Variants in OC90 observed in about 807,000 individuals in gnomAD.
The protein encoded by OC90 is otoconin 90.
OC90 carries 46 observed loss-of-function variants against 47.3 expected under a neutral mutation model. The ratio of observed to expected loss-of-function variants is 0.97; its 90% CI spans 0.77 to 1.24. The LOEUF is 1.24. OC90 is among the 50% of genes most tolerant of loss of function. The pLI is 0.00. For synonymous variants in OC90, 271 were observed against 219.5 expected (o/e 1.23, Z -2.07); for missense variants, 688 against 583.9 (o/e 1.18, Z -1.84).
intron 13 of OC90, among the ~76,000 whole-genome samples, chr8:132,028,284 A>G (rs1286189919): frequency 6.6e-6 from 1 of 152,046 alleles, no homozygotes; most frequent in African/African-American, 2.4e-5. Flanking sequence ...TGGGCAGATC[A>G]CAAGGTCAGG....
In OC90 at chr8:132,029,123, A is replaced by G. The variant is rs1002116995; in HGVS notation, c.1088T>C (p.Leu363Pro). ...CACCGGTGACCAAGGAAGCCTCTCAAGCAGGCAGCCCAGCCTTCTCACTTG... is the reference window on the plus strand; with the variant it reads ...CACCGGTGACCAAGGAAGCCTCTCAGGCAGGCAGCCCAGCCTTCTCACTTG... Reference protein sequence around the residue: ...LEQVRRLGCLLERLPWSPVVC... With the variant: ...LEQVRRLGCLPERLPWSPVVC... The change falls in exon 13 of 14, where the codon CTT (leucine) becomes CCT (proline). Residue 363 changes from leucine to proline, a missense_variant. Physicochemically the swap from Leu to Pro is moderately conservative, Grantham distance 98. Transcript: ENST00000254627. 1 of 1,613,964 alleles carries G rather than the reference A, an allele frequency of 6.2e-7. No individual in the cohort carries two copies. The highest frequency in any genetic ancestry group is 8.5e-7 in the Non-Finnish European group (1 of 1,179,878).
At position 132,038,849 on chromosome 8, in the gene OC90, T is replaced by C. The variant is rs763960207; in HGVS notation, c.587-18A>G. 6.2e-7 allele frequency: 1 copy of C among 1,613,694 alleles called. No homozygotes were observed. Among genetic ancestry groups the C allele is most frequent in the African/African-American group, 1.3e-5 (1 of 75,044 alleles). On this transcript the variant is annotated intron_variant, in intron 7 of 13. Coordinates refer to ENST00000254627, the MANE Select transcript of OC90 (RefSeq NM_001080399.3). Reference sequence around the variant, plus strand: ...GGTTGTCTCTGAAAAGAAAACACTTTGGAAAGTCTGTTGAGAGCAGTGGGT... The same window carrying C: ...GGTTGTCTCTGAAAAGAAAACACTTCGGAAAGTCTGTTGAGAGCAGTGGGT...
chr8:132,030,941 C>T (rs1822864186), intron 12 of OC90, among the ~76,000 whole-genome samples: 1 of 152,218 alleles, frequency 6.6e-6, no homozygotes, highest in African/African-American at 2.4e-5. Flanking sequence ...CTTTGTCTTT[C>T]TGTGTTTCTA....
chr8:132,044,087 T>C (rs7007921), intron 4 of OC90, among the ~76,000 whole-genome samples: 47,161 of 152,130 alleles, frequency 0.31, 7,693 homozygotes, highest in South Asian at 0.43. Flanking sequence ...AAGCTCTAGA[T>C]TCCAAGGAGA....
chr8:132,029,319 C>G, intron 12 of OC90, 140 bp from the exon 13 acceptor site: 2 of 661,590 alleles, frequency 3.0e-6, no homozygotes, highest in East Asian at 2.7e-5. Flanking sequence ...AGGGCTGACT[C>G]ATATACACAC....
intron 9 of OC90, chr8:132,036,491 T>C (rs1822965725): frequency 1.3e-6 from 1 of 775,282 alleles, no homozygotes; most frequent in Admixed American, 1.7e-5. Flanking sequence ...GAAACAGATT[T>C]GGGGGCTGAG....
At chr8:132,042,116 G>A (rs1398282327) in intron 4 of OC90, among the ~76,000 whole-genome samples, 1 of 141,304 alleles carries the variant, frequency 7.1e-6, no homozygotes, top group Non-Finnish European at 1.6e-5. Flanking sequence ...ACGAATAAAG[G>A]CAAGTAGGAA....
chr8:132,041,853 A>G (rs1478446466), intron 4 of OC90, among the ~76,000 whole-genome samples, 154 bp from the exon 5 acceptor site: 1 of 152,158 alleles, frequency 6.6e-6, no homozygotes, highest in East Asian at 1.9e-4. Context: ...CTAAGCCATC[A>G]TCCCTGCTGG....
chr8:132,041,144 C>T lies in OC90; in HGVS notation c.357G>A (p.Gln119=), dbSNP rs1443551933. 6.2e-7 allele frequency: 1 copy of T among 1,612,400 alleles called. No homozygotes were observed. Among genetic ancestry groups the T allele is most frequent in the African/African-American group, 1.3e-5 (1 of 74,894 alleles). Reference sequence around the variant, plus strand: ...CGGCCTCCTCATAGCACCTGCGGTGCTGGAAGCAGCAGCTGTAGGAAGGCC... The same window carrying T: ...CGGCCTCCTCATAGCACCTGCGGTGTTGGAAGCAGCAGCTGTAGGAAGGCC... ...PVDESDSCCF[Q]HRRCYEEAAE... is the part of the protein sequence containing the mutation. The change falls in exon 6 of 14, where the codon CAG becomes CAA. Residue 119 remains glutamine (Q), a synonymous_variant. Coordinates refer to ENST00000254627, the MANE Select transcript of OC90 (RefSeq NM_001080399.3).
chr8:132,044,464 A>G lies in OC90; in HGVS notation c.138T>C (p.Phe46=). The change falls in exon 4 of 14, where the codon TTT becomes TTC. Residue 46 remains phenylalanine (F), a synonymous_variant. Coordinates refer to ENST00000254627, the MANE Select transcript of OC90 (RefSeq NM_001080399.3). ...TTTCAGCCACACTTTCCACATTTTT[A>G]AACATCCCACTGAAGAAAGTGATAT... The part of the protein sequence containing the change: ...NINITFFSGM[F]KNVESVAEIF... The G allele has an allele frequency of 1.9e-6, 3 of 1,560,158 alleles. No homozygotes were observed. Among genetic ancestry groups the G allele is most frequent in the Non-Finnish European group, 2.6e-6 (3 of 1,146,014 alleles).
At position 132,045,889 on chromosome 8, in the gene OC90, A is replaced by C. The variant is rs1328652520; in HGVS notation, c.47-6T>G. The C allele has an allele frequency of 6.6e-7, 1 of 1,522,498 alleles. No homozygotes were observed. The highest frequency in any genetic ancestry group is 1.2e-5 in the South Asian group (1 of 83,420). The allele number at this position is 1,522,498 out of a possible 1,614,324, so 94.3% of individuals were successfully genotyped here. On this transcript the variant is annotated splice_region_variant and splice_polypyrimidine_tract_variant and intron_variant, in intron 2 of 13. Transcript: ENST00000254627. ...AGTGTCCAGAGGATGGCCTCCTATAAATAAGGAAGAGAAAGTAGGGTAAGC... is the reference window on the plus strand; with the variant it reads ...AGTGTCCAGAGGATGGCCTCCTATACATAAGGAAGAGAAAGTAGGGTAAGC...
In OC90 at chr8:132,024,629, AGGCTGTCTTCACAGGCTGCT is replaced by A; in HGVS notation, c.1266_1285del (p.Ala424ProfsTer13). The A allele has an allele frequency of 6.2e-7, 1 of 1,613,618 alleles. No homozygotes were observed. Among genetic ancestry groups the A allele is most frequent in the Non-Finnish European group, 8.5e-7 (1 of 1,179,740 alleles). ...GGTGGGGGCTGCGGGCACAGGGTGCAGGCTGTCTTCACAGGCTGCTGGCTGCCCAGGGCACCCGAGTCTGC... is the reference window on the plus strand; with the variant it reads ...GGTGGGGGCTGCGGGCACAGGGTGCAGGCTGCCCAGGGCACCCGAGTCTGC... On this transcript the variant is annotated frameshift_variant, in exon 14 of 14. Transcript: ENST00000254627. LOFTEE classifies it low-confidence loss of function (END_TRUNC).
chr8:132,033,069 C>A lies in OC90; in HGVS notation c.829G>T (p.Glu277Ter). The A allele has an allele frequency of 6.2e-7, 1 of 1,610,250 alleles. No homozygotes were observed. ...TCAGTGGTCTCCTCAGGATCATTTT[C>A]AACAGATGACACTGCCAGCCCCAGA... ...KSLGLAVSSVENDPEETTEKA... is the reference protein window; with the variant it reads ...KSLGLAVSSV Residue 277 changes from glutamate to a stop codon, truncating the protein, a stop_gained, in exon 11 of 14, where the codon GAA (glutamate) becomes TAA (stop). Coordinates refer to ENST00000254627, the MANE Select transcript of OC90 (RefSeq NM_001080399.3). LOFTEE classifies it high-confidence loss of function.
At chr8:132,045,730 A>G in intron 3 of OC90, 88 bp downstream of exon 3, 1 of 749,166 alleles carries the variant, frequency 1.3e-6, no homozygotes, top group Non-Finnish European at 2.4e-6. Flanking sequence ...GAGTGGCTCT[A>G]GGGTGTATTC....
rs541260451 is a variant in OC90, at chr8:132,055,019, G to A, written c.8C>T (p.Ala3Val). The change falls in exon 2 of 14, where the codon GCG becomes GTG. Residue 3 changes from alanine (A) to valine (V), a missense_variant. Transcript: ENST00000254627. ...CATCAGCACACTGGTGAGGAGAAAC[G>A]CAATCATAGCAGGAGAACAAAGGAT... The part of the protein sequence containing the change: MI[A>V]FLLTSVLMIP... The A allele has an allele frequency of 4.3e-5, 66 of 1,550,942 alleles. No homozygotes were observed. Among genetic ancestry groups the A allele is most frequent in the East Asian group, 9.8e-5 (4 of 40,864 alleles).
chr8:132,051,309 T>A (rs1823209678), intron 2 of OC90, among the ~76,000 whole-genome samples: 2 of 152,352 alleles, frequency 1.3e-5, no homozygotes, highest in East Asian at 3.9e-4. Context: ...GTTCTCCTTT[T>A]TTGAAGCATC....
chr8:132,048,966 C>T (rs1211465337), intron 2 of OC90, among the ~76,000 whole-genome samples: 2 of 151,628 alleles, frequency 1.3e-5, no homozygotes, highest in Non-Finnish European at 1.5e-5. Flanking sequence ...GCTCTTCCAC[C>T]TGCTAAAGGT....
intron 13 of OC90, among the ~76,000 whole-genome samples, chr8:132,025,366 CT>C (rs1230935879): frequency 6.6e-6 from 1 of 152,170 alleles, no homozygotes; most frequent in Non-Finnish European, 1.5e-5. Context: ...GCGAGTTTGA[CT>C]TTCCTCTGGG....
chr8:132,030,238 C>T (rs1383777329), intron 12 of OC90, among the ~76,000 whole-genome samples: 1 of 152,134 alleles, frequency 6.6e-6, no homozygotes, highest in Non-Finnish European at 1.5e-5. Flanking sequence ...AATCAAAATA[C>T]TCATAAAATC....
Sources: allele counts gnomAD v4.1 joint callset (sites outside exome capture counted in the v4.1 genomes callset), GRCh38; gene constraint gnomAD v4.1.1; transcripts MANE v1.5; gene names NCBI Gene and HGNC (gene_info 2026-07-23, HGNC 2026-07-21).